Variants in DCC observed in about 807,000 individuals in gnomAD.
DCC encodes the protein DCC netrin 1 receptor, also known as netrin receptor DCC.
In DCC, 58 loss-of-function variants were observed where a neutral mutation model predicts 172.5. The ratio of observed to expected loss-of-function variants is 0.34; its 90% confidence interval spans 0.27 to 0.42. The LOEUF (loss-of-function observed/expected upper bound fraction) is 0.42. DCC is among the 10% of genes least tolerant of loss of function. The pLI is 1.00. For synonymous variants in DCC, 709 were observed against 644.5 expected (o/e 1.10, Z -1.52); for missense variants, 1,740 against 1,791.0 (o/e 0.97, Z 0.51).
chr18:53,220,967 T>A (rs1053333451), intron 12 of DCC, among the ~76,000 whole-genome samples: 4 of 152,058 alleles, frequency 2.6e-5, no homozygotes, highest in Non-Finnish European at 4.4e-5. Context: ...CTAGACTGGA[T>A]ATAAATGATT....
chr18:53,322,341 T>C (rs2057421050), intron 14 of DCC, among the ~76,000 whole-genome samples, 184 bp downstream of exon 14: 1 of 152,208 alleles, frequency 6.6e-6, no homozygotes, highest in South Asian at 2.1e-4. Flanking sequence ...ATGTAAATAA[T>C]GCCAGACCAT....
chr18:53,204,917 G>A (rs2055601214), intron 9 of DCC, among the ~76,000 whole-genome samples: 1 of 152,098 alleles, frequency 6.6e-6, no homozygotes, highest in Non-Finnish European at 1.5e-5. Flanking sequence ...TAAGAATTTA[G>A]ATTCACAATC....
chr18:52,875,833 A>G (rs972622720), intron 2 of DCC, among the ~76,000 whole-genome samples: 2 of 152,104 alleles, frequency 1.3e-5, no homozygotes, highest in Non-Finnish European at 2.9e-5. Context: ...AAGGCAAGGA[A>G]GCTGGCCTGC....
chr18:52,506,750 C>T (rs1469151886), intron 1 of DCC, among the ~76,000 whole-genome samples: 2 of 152,038 alleles, frequency 1.3e-5, no homozygotes, highest in East Asian at 3.9e-4. Context: ...ACCATGATTA[C>T]TGATTATTGT....
intron 5 of DCC, among the ~76,000 whole-genome samples, chr18:52,927,738 T>C (rs1276697602): frequency 6.6e-6 from 1 of 152,074 alleles, no homozygotes; most frequent in Non-Finnish European, 1.5e-5. Context: ...AGAATGTCTA[T>C]TACTAAAAGG....
At chr18:52,652,964 G>A (rs1016961797) in intron 1 of DCC, among the ~76,000 whole-genome samples, 14 of 152,012 alleles carry the variant, frequency 9.2e-5, no homozygotes, top group Non-Finnish European at 1.8e-4. Context: ...AATGATGCAG[G>A]GGAAAGGGTA....
At chr18:53,206,559 T>C (rs1160245252) in intron 10 of DCC, among the ~76,000 whole-genome samples, 1 of 145,194 alleles carries the variant, frequency 6.9e-6, no homozygotes, top group East Asian at 2.0e-4. Flanking sequence ...TATACATGTA[T>C]GTATTATATA....
intron 5 of DCC, among the ~76,000 whole-genome samples, chr18:52,953,647 G>T (rs879310637): frequency 6.6e-6 from 1 of 152,122 alleles, no homozygotes; most frequent in African/African-American, 2.4e-5. Context: ...CATTGACTAC[G>T]GCAGGCAGAA....
intron 15 of DCC, among the ~76,000 whole-genome samples, chr18:53,351,234 A>G (rs2057788092): frequency 1.4e-5 from 2 of 141,058 alleles, no homozygotes; most frequent in African/African-American, 5.1e-5. Context: ...TACAAAAGAT[A>G]CTAGTATTGT....
chr18:53,321,452 A>C (rs892076372), intron 13 of DCC, among the ~76,000 whole-genome samples: 2 of 152,178 alleles, frequency 1.3e-5, no homozygotes, highest in African/African-American at 4.8e-5. Flanking sequence ...GTGCGTTTTG[A>C]AATAAGCCCT....
chr18:53,241,436 A>G (rs1338608700), intron 12 of DCC, among the ~76,000 whole-genome samples: 1 of 152,142 alleles, frequency 6.6e-6, no homozygotes, highest in Non-Finnish European at 1.5e-5. Flanking sequence ...AAGTGGACCA[A>G]CATAGACAAG....
At chr18:52,476,984 C>A (rs1287765257) in intron 1 of DCC, among the ~76,000 whole-genome samples, 5 of 152,090 alleles carry the variant, frequency 3.3e-5, no homozygotes, top group African/African-American at 1.2e-4. Context: ...TACAAGGCAG[C>A]CCGTGCAACA....
intron 5 of DCC, among the ~76,000 whole-genome samples, chr18:53,048,606 TA>T (rs1257547670): frequency 2.2e-4 from 33 of 150,942 alleles, no homozygotes; most frequent in Non-Finnish European, 2.8e-4. Context: ...CATACATGTA[TA>T]AAAAATGTGA....
intron 5 of DCC, among the ~76,000 whole-genome samples, chr18:53,030,144 A>T (rs2042008542): frequency 6.6e-6 from 1 of 152,234 alleles, no homozygotes; most frequent in African/African-American, 2.4e-5. Context: ...AAAACAAAAG[A>T]CAAGAATGGA....
At chr18:53,077,391 C>A (rs2042738041) in intron 7 of DCC, among the ~76,000 whole-genome samples, 1 of 152,130 alleles carries the variant, frequency 6.6e-6, no homozygotes, top group African/African-American at 2.4e-5. Context: ...ACAGACCAAG[C>A]TGACCACCTG....
chr18:52,582,931 G>A (rs1395671559), intron 1 of DCC, among the ~76,000 whole-genome samples: 1 of 152,104 alleles, frequency 6.6e-6, no homozygotes, highest in African/African-American at 2.4e-5. Flanking sequence ...AGCTATCTGT[G>A]CCATGGCTCC....
chr18:52,710,942 G>C (rs1264967047), intron 1 of DCC, among the ~76,000 whole-genome samples: 1 of 152,170 alleles, frequency 6.6e-6, no homozygotes, highest in African/African-American at 2.4e-5. Flanking sequence ...GATGCTGACT[G>C]GGAATTAAGG....
intron 1 of DCC, among the ~76,000 whole-genome samples, chr18:52,641,023 G>A (rs1423858338): frequency 2.0e-5 from 3 of 151,968 alleles, no homozygotes; most frequent in African/African-American, 7.3e-5. Context: ...TAGGCACATA[G>A]ACCAATGGAA....
chr18:52,717,230 C>G (rs571050146), intron 1 of DCC, among the ~76,000 whole-genome samples: 1 of 152,066 alleles, frequency 6.6e-6, no homozygotes, highest in African/African-American at 2.4e-5. Flanking sequence ...TTTAGTAGAA[C>G]AAGGCCCATA....
Sources: gnomAD v4.1 joint callset for allele counts (sites outside exome capture counted in the v4.1 genomes callset) on GRCh38, gnomAD v4.1.1 for gene constraint, MANE v1.5 for transcripts, NCBI Gene and HGNC (gene_info 2026-07-23, HGNC 2026-07-21) for gene names.